The following LSAMP variants were observed in gnomAD, a reference collection of about 807,000 sequenced individuals.
The protein encoded by LSAMP is limbic system associated membrane protein.
Under a neutral mutation model 38.6 loss-of-function variants are expected in LSAMP, and 7 were observed. That is an observed-to-expected ratio of 0.18 (90% CI 0.10 to 0.34). The LOEUF is 0.34. Among genes scored for constraint, LSAMP ranks in the 10% least tolerant of loss-of-function variants. The pLI is 1.00. For missense variants in LSAMP, 313 were observed against 420.0 expected, an observed-to-expected ratio of 0.75 and a Z score of 2.23; for synonymous variants, 154 against 166.8, an observed-to-expected ratio of 0.92 and a Z score of 0.59.
At chr3:116,089,348 AT>A (rs1346444273) in intron 1 of LSAMP, among the ~76,000 whole-genome samples, 2 of 152,078 alleles carry the variant, frequency 1.3e-5, no homozygotes, top group African/African-American at 4.8e-5. Flanking sequence ...GAATACACAT[AT>A]ACTTTTTTTT....
intron 1 of LSAMP, among the ~76,000 whole-genome samples, chr3:116,345,427 G>A (rs988293802): frequency 6.6e-6 from 1 of 152,114 alleles, no homozygotes; most frequent in South Asian, 2.1e-4. Flanking sequence ...TATCGGCCCT[G>A]TAGTTCAGGA....
At chr3:115,915,591 TTTAAGTGGCAGTCTTGGGATA>T (rs1356836119) in intron 3 of LSAMP, among the ~76,000 whole-genome samples, 5 of 152,160 alleles carry the variant, frequency 3.3e-5, no homozygotes, top group Admixed American at 6.5e-5. Flanking sequence ...GCTGCAGCCT[TTTAAGTGGCAGTCTTGGGATA>T]TGATCTGTGG....
chr3:115,945,167 A>G (rs1167284579), intron 3 of LSAMP, among the ~76,000 whole-genome samples: 1 of 152,146 alleles, frequency 6.6e-6, no homozygotes, highest in Non-Finnish European at 1.5e-5. Flanking sequence ...TACGGCTCAC[A>G]TACCTTCCCT....
chr3:116,402,505 T>A (rs1020879520), intron 1 of LSAMP, among the ~76,000 whole-genome samples: 8 of 152,128 alleles, frequency 5.3e-5, no homozygotes, highest in Non-Finnish European at 1.0e-4. Context: ...AGATCTTCAT[T>A]CAAAGTCATT....
At position 116,316,967 on chromosome 3, in the gene LSAMP, A is replaced by T. The variant is rs2047637677; in HGVS notation, c.155+127910T>A. On this transcript the variant is annotated intron_variant, in intron 1 of 6. Coordinates refer to ENST00000490035, the MANE Select transcript of LSAMP (RefSeq NM_002338.5). ...ACAGTACTGTTCCAGTGATACTGAGAGGTGAAGCCAGCTGGATTTCCCGGC... is the reference window on the plus strand; with the variant it reads ...ACAGTACTGTTCCAGTGATACTGAGTGGTGAAGCCAGCTGGATTTCCCGGC... Among the ~76,000 whole-genome samples, 5 of 152,102 alleles carry T rather than the reference A, an allele frequency of 3.3e-5. No homozygotes were observed. The South Asian group carries it at 1.0e-3, about 32-fold the overall frequency.
chr3:116,342,511 C>G (rs186591126), intron 1 of LSAMP, among the ~76,000 whole-genome samples: 2 of 152,106 alleles, frequency 1.3e-5, no homozygotes, highest in Admixed American at 1.3e-4. Context: ...TTTTTCTCCA[C>G]AAAGAAATCT....
At chr3:116,097,020 A>C (rs543744268) in intron 1 of LSAMP, among the ~76,000 whole-genome samples, 34 of 152,290 alleles carry the variant, frequency 2.2e-4, no homozygotes, top group Non-Finnish European at 4.1e-4. Flanking sequence ...TGTGAAAAAT[A>C]CCTCTCATTT....
intron 1 of LSAMP, among the ~76,000 whole-genome samples, chr3:116,216,474 C>T (rs1466065543): frequency 1.3e-5 from 2 of 151,840 alleles, no homozygotes; most frequent in Non-Finnish European, 1.5e-5. Context: ...TACTGCTACT[C>T]TTACATGTAA....
chr3:116,209,832 A>G (rs1293200837), intron 1 of LSAMP, among the ~76,000 whole-genome samples: 1 of 151,892 alleles, frequency 6.6e-6, no homozygotes, highest in African/African-American at 2.4e-5. Context: ...GCTCACTGCA[A>G]CCTCCGCCAC....
chr3:116,235,526 G>A (rs1432763188), intron 1 of LSAMP, among the ~76,000 whole-genome samples: 1 of 152,028 alleles, frequency 6.6e-6, no homozygotes, highest in Non-Finnish European at 1.5e-5. Flanking sequence ...ATAGAGATAC[G>A]ATGCTCTAAG....
chr3:115,810,221 ATCTCTC>A lies in LSAMP; in HGVS notation c.*90_*95del, dbSNP rs528530751. On this transcript the variant is annotated 3_prime_UTR_variant, in exon 7 of 7. Transcript: ENST00000490035. ...AGTTGTGAAATAAACGGTCTCCCCC[ATCTCTC>A]TCTCTCTCTCTCTCTCTGTCTCTCT... is the stretch of plus-strand genomic sequence containing the variant. 9.9e-5 allele frequency: 64 copies of A among 649,576 alleles called. No homozygotes were observed. Among genetic ancestry groups the A allele is most frequent in the East Asian group, 1.6e-4 (5 of 32,140 alleles). The allele number at this position is 649,576 out of a possible 1,614,324, so 40.2% of individuals were successfully genotyped here. A position where few individuals can be genotyped will look rare whatever the true frequency, so the allele number is the denominator to read the frequency against.
rs1243063186 is a variant in LSAMP, at chr3:116,084,463, AAAAAAAAACC to A, written c.388+1851_388+1860del. ...AGTCTTTAAAATCATGGCAAAAAAA[AAAAAAAAACC>A]AAAAAAAACCAAAAAACTCCATTCC... is the stretch of plus-strand genomic sequence containing the variant. On this transcript the variant is annotated intron_variant, in intron 2 of 6. Coordinates refer to ENST00000490035, the MANE Select transcript of LSAMP (RefSeq NM_002338.5). 4.0e-5 allele frequency among the ~76,000 whole-genome samples: 6 copies of A among 149,124 alleles called. No homozygotes were observed. In the East Asian group the frequency reaches 7.8e-4, roughly 19 times the overall value.
Position 116,373,659 on chromosome 3 carries a change from A to C in LSAMP, c.155+71218T>G, listed in dbSNP as rs148591746. 2.6e-5 allele frequency among the ~76,000 whole-genome samples: 4 copies of C among 152,054 alleles called. No homozygotes were observed. In the East Asian group the frequency reaches 7.7e-4, roughly 29 times the overall value. On this transcript the variant is annotated intron_variant, in intron 1 of 6. Transcript: ENST00000490035. ...GTACCTAATTTCCCCAACTCTGCCC[A>C]GACCTACCAAAATGATGCCCTTGAT...
At chr3:116,315,213 C>A (rs1000145503) in intron 1 of LSAMP, among the ~76,000 whole-genome samples, 18 of 152,170 alleles carry the variant, frequency 1.2e-4, no homozygotes, top group African/African-American at 4.3e-4. Flanking sequence ...ATTCTACCTA[C>A]CAAGTCTCCA....
At chr3:116,417,696 A>G (rs1008174342) in intron 1 of LSAMP, among the ~76,000 whole-genome samples, 1 of 152,224 alleles carries the variant, frequency 6.6e-6, no homozygotes. Flanking sequence ...TTAAAAAACC[A>G]GCTGGCTTGG....
chr3:116,319,043 T>TGGG (rs10662487), intron 1 of LSAMP, among the ~76,000 whole-genome samples: 85 of 150,268 alleles, frequency 5.7e-4, no homozygotes, highest in African/African-American at 8.5e-4. Flanking sequence ...TGTATAGAAT[T>TGGG]GGGGGGGTGG....
chr3:115,919,162 G>C (rs373482318), intron 3 of LSAMP, among the ~76,000 whole-genome samples: 8 of 152,166 alleles, frequency 5.3e-5, no homozygotes, highest in South Asian at 2.1e-4. Context: ...CCGGATATTG[G>C]GTTGTCAATA....
At chr3:116,323,331 T>G (rs1457647227) in intron 1 of LSAMP, among the ~76,000 whole-genome samples, 2 of 152,120 alleles carry the variant, frequency 1.3e-5, no homozygotes, top group African/African-American at 2.4e-5. Flanking sequence ...TGGTCAATCA[T>G]AGCATCTGTT....
At chr3:115,976,788 C>T (rs1179731980) in intron 3 of LSAMP, among the ~76,000 whole-genome samples, 1 of 152,184 alleles carries the variant, frequency 6.6e-6, no homozygotes, top group African/African-American at 2.4e-5. Flanking sequence ...CCTCTTAACT[C>T]TCTTTCTCCT....
Sources: gnomAD v4.1 joint callset for allele counts (sites outside exome capture counted in the v4.1 genomes callset) on GRCh38, gnomAD v4.1.1 for gene constraint, MANE v1.5 for transcripts, NCBI Gene and HGNC (gene_info 2026-07-23, HGNC 2026-07-21) for gene names.